The following PLXNA4 variants were observed in gnomAD, a reference collection of about 807,000 sequenced individuals.
PLXNA4 encodes plexin-A4.
A neutral mutation model predicts 191.8 loss-of-function variants in PLXNA4; 44 were observed. The observed-to-expected ratio is 0.23, with a 90% CI of 0.18 to 0.29. The LOEUF is 0.29. Ranked by LOEUF, PLXNA4 falls within the 10% of genes least tolerant of loss-of-function variation. PLXNA4 has a pLI of 1.00. For synonymous variants in PLXNA4, 1,082 were observed against 1,009.5 expected, an observed-to-expected ratio of 1.07 and a Z score of -1.36; for missense variants, 1,800 against 2,488.8, an observed-to-expected ratio of 0.72 and a Z score of 5.89.
At chr7:132,527,930 T>C (rs760106310) in intron 1 of PLXNA4, among the ~76,000 whole-genome samples, 6 of 152,220 alleles carry the variant, frequency 3.9e-5, no homozygotes, top group African/African-American at 7.2e-5. Context: ...TGAGAGTTAA[T>C]TTAGTAACAA....
intron 1 of PLXNA4, among the ~76,000 whole-genome samples, chr7:132,539,838 G>A (rs989216269): frequency 6.6e-6 from 1 of 152,202 alleles, no homozygotes; most frequent in African/African-American, 2.4e-5. Context: ...TCTCAGTGAA[G>A]GCTTAGAGAG....
chr7:132,202,589 G>A, intron 12 of PLXNA4, 57 bp downstream of exon 12: 1 of 1,409,720 alleles, frequency 7.1e-7, no homozygotes. Context: ...TCCACAGGGT[G>A]TGGCACAGCA....
At chr7:132,343,793 T>G (rs1485986560) in intron 3 of PLXNA4, among the ~76,000 whole-genome samples, 2 of 152,220 alleles carry the variant, frequency 1.3e-5, no homozygotes, top group African/African-American at 4.8e-5. Context: ...GGTGCACACC[T>G]ATAATCCCAG....
chr7:132,625,370 T>C (rs1803350545), intron 2 of PLXNA4, among the ~76,000 whole-genome samples: 1 of 152,084 alleles, frequency 6.6e-6, no homozygotes, highest in African/African-American at 2.4e-5. Flanking sequence ...AACAACTACC[T>C]CCCTACCCTG....
At chr7:132,636,385 A>G (rs146555601) in intron 2 of PLXNA4, among the ~76,000 whole-genome samples, 1 of 152,146 alleles carries the variant, frequency 6.6e-6, no homozygotes, top group Non-Finnish European at 1.5e-5. Context: ...ATGGGTTGGG[A>G]GATCCCCTGT....
Position 132,181,434 on chromosome 7 carries a change from A to T in PLXNA4, c.3439T>A (p.Phe1147Ile), listed in dbSNP as rs1796700875. 1 of 1,613,978 alleles carries T rather than the reference A, an allele frequency of 6.2e-7. No individual in the cohort carries two copies. The change falls in exon 18 of 32, where the codon TTT becomes ATT. Residue 1147 changes from phenylalanine (F) to isoleucine (I), a missense_variant. By Grantham distance (21) the Phe-to-Ile change is conservative (BLOSUM62 0). Coordinates refer to ENST00000321063, the MANE Select transcript of PLXNA4 (RefSeq NM_020911.2). ...AGCTCCAGGATTCCTGAGGGACCAA[A>T]GGCCTCAAACACCGGGTTGGGATAG... ...TYYPNPVFEA[F>I]GPSGILELKP...
At chr7:132,441,519 G>A (rs563738056) in intron 3 of PLXNA4, among the ~76,000 whole-genome samples, 19 of 152,298 alleles carry the variant, frequency 1.2e-4, no homozygotes, top group African/African-American at 2.9e-4. Context: ...CTAGGAGCAC[G>A]TTGCGCTCCG....
chr7:132,185,166 G>C, intron 16 of PLXNA4, 133 bp downstream of exon 16: 1 of 1,317,086 alleles, frequency 7.6e-7, no homozygotes. Context: ...TGATTTGGGG[G>C]TGTTTGGAAT....
At chr7:132,258,965 GC>G (rs1799526804) in intron 4 of PLXNA4, among the ~76,000 whole-genome samples, 1 of 152,162 alleles carries the variant, frequency 6.6e-6, no homozygotes, top group African/African-American at 2.4e-5. Context: ...AGGGTTTGAT[GC>G]AACATTAAAC....
intron 1 of PLXNA4, among the ~76,000 whole-genome samples, chr7:132,533,276 T>C (rs575457783): frequency 9.9e-5 from 15 of 152,202 alleles, no homozygotes; most frequent in Non-Finnish European, 1.9e-4. Flanking sequence ...AGGACTGTTT[T>C]ACCTTAAATT....
At chr7:132,631,362 CA>C (rs1803486977) in intron 2 of PLXNA4, among the ~76,000 whole-genome samples, 1 of 152,136 alleles carries the variant, frequency 6.6e-6, no homozygotes, top group Admixed American at 6.6e-5. Flanking sequence ...ATTGAGTCCT[CA>C]AAACTGGGCC....
At chr7:132,299,065 G>A (rs1801210969) in intron 3 of PLXNA4, among the ~76,000 whole-genome samples, 1 of 152,214 alleles carries the variant, frequency 6.6e-6, no homozygotes, top group Admixed American at 6.5e-5. Context: ...TGTTGGCCAA[G>A]GTCTCTGGAA....
chr7:132,164,093 T>C (rs374785890), intron 24 of PLXNA4, 49 bp downstream of exon 24: 28 of 1,609,870 alleles, frequency 1.7e-5, no homozygotes, highest in Non-Finnish European at 2.2e-5. Context: ...CTACCCAGGA[T>C]GGAAGCCCGC....
chr7:132,508,049 C>T lies in PLXNA4; in HGVS notation c.645G>A (p.Ala215=), dbSNP rs774104963. ...CCACGAACTCATCATGGAAGACGTA[C>T]GCGAACATGCCATCCGCCTCAGAGT... is the stretch of plus-strand genomic sequence containing the variant. The part of the protein sequence containing the change: ...TKNSEADGMF[A]YVFHDEFVAS... The change falls in exon 2 of 32, where the codon GCG becomes GCA. Residue 215 remains alanine (A), a synonymous_variant. Coordinates refer to ENST00000321063, the MANE Select transcript of PLXNA4 (RefSeq NM_020911.2). The surrounding 1 kb of genome is among the most constrained non-coding windows in gnomAD (Gnocchi z 4.4). 3.6e-5 allele frequency: 58 copies of T among 1,614,212 alleles called. No individual in the cohort carries two copies. Among genetic ancestry groups the T allele is most frequent in the South Asian group, 3.3e-4 (30 of 91,072 alleles).
chr7:132,435,079 G>A (rs1296389386), intron 3 of PLXNA4, among the ~76,000 whole-genome samples: 2 of 152,058 alleles, frequency 1.3e-5, no homozygotes, highest in East Asian at 3.9e-4. Context: ...CTGGCATCTG[G>A]ACACATCAGC....
chr7:132,142,268 G>A (rs1484024917), intron 29 of PLXNA4, among the ~76,000 whole-genome samples: 1 of 151,958 alleles, frequency 6.6e-6, no homozygotes, highest in African/African-American at 2.4e-5. Context: ...TGGGAAAGAG[G>A]GCTAGGCACC....
chr7:132,374,059 A>G (rs958163177), intron 3 of PLXNA4, among the ~76,000 whole-genome samples: 1 of 152,202 alleles, frequency 6.6e-6, no homozygotes, highest in African/African-American at 2.4e-5. Flanking sequence ...CACATCAGAG[A>G]GTAATCATGA....
At chr7:132,224,270 G>A (rs1412560658) in intron 8 of PLXNA4, among the ~76,000 whole-genome samples, 1 of 152,148 alleles carries the variant, frequency 6.6e-6, no homozygotes, top group Non-Finnish European at 1.5e-5. Context: ...CCCCAACGCA[G>A]GTTTGTTGCT....
intron 3 of PLXNA4, among the ~76,000 whole-genome samples, chr7:132,326,682 T>C (rs1448138145): frequency 1.3e-5 from 2 of 152,200 alleles, no homozygotes; most frequent in African/African-American, 4.8e-5. Flanking sequence ...CTCCGAGTGC[T>C]GATGGTTCCC....
Sources: gnomAD v4.1 joint callset for allele counts (sites outside exome capture counted in the v4.1 genomes callset) on GRCh38, gnomAD v4.1.1 for gene constraint, Gnocchi (gnomAD v3.1) non-coding constraint, MANE v1.5 for transcripts, NCBI Gene and HGNC (gene_info 2026-07-23, HGNC 2026-07-21) for gene names.